SRRM4: variants seen among roughly 807,000 people sequenced by gnomAD.
The protein encoded by SRRM4 is serine/arginine repetitive matrix protein 4.
SRRM4 carries 33 observed loss-of-function variants against 68.9 expected under a neutral mutation model. The ratio of observed to expected loss-of-function variants is 0.48; its 90% CI spans 0.36 to 0.64. SRRM4 has a LOEUF of 0.64. Among genes scored for constraint, SRRM4 ranks in the 30% least tolerant of loss-of-function variants. SRRM4 has a pLI of 0.00. For synonymous variants in SRRM4, 318 were observed against 318.8 expected, an observed-to-expected ratio of 1.00 and a Z score of 0.03; for missense variants, 817 against 827.1, an observed-to-expected ratio of 0.99 and a Z score of 0.15.
chr12:119,036,212 C>G (rs1427961080), intron 1 of SRRM4, among the ~76,000 whole-genome samples: 1 of 152,162 alleles, frequency 6.6e-6, no homozygotes, highest in Non-Finnish European at 1.5e-5. Flanking sequence ...ACTTCAAGTA[C>G]TCTATGAACC....
At chr12:118,995,638 T>C (rs959341912) in intron 1 of SRRM4, among the ~76,000 whole-genome samples, 1 of 152,212 alleles carries the variant, frequency 6.6e-6, no homozygotes, top group African/African-American at 2.4e-5. Flanking sequence ...ACAAGGAGAA[T>C]AAGTCTTTCT....
chr12:119,103,934 A>G (rs1191144425), intron 2 of SRRM4, among the ~76,000 whole-genome samples: 1 of 152,124 alleles, frequency 6.6e-6, no homozygotes. Flanking sequence ...ACCCAGGAGG[A>G]GGAGGTTGCA....
At chr12:119,061,239 A>G (rs575891579) in intron 1 of SRRM4, among the ~76,000 whole-genome samples, 3 of 152,188 alleles carry the variant, frequency 2.0e-5, no homozygotes, top group Non-Finnish European at 2.9e-5. Flanking sequence ...TGTTTCCCGC[A>G]TGTTAATTAT....
chr12:119,005,480 C>G (rs1246887717), intron 1 of SRRM4, among the ~76,000 whole-genome samples: 1 of 152,106 alleles, frequency 6.6e-6, no homozygotes, highest in African/African-American at 2.4e-5. Context: ...TTTTCTTAAT[C>G]GCTCCCTAGG....
At chr12:119,099,692 C>G (rs1419570395) in intron 1 of SRRM4, among the ~76,000 whole-genome samples, 1 of 152,230 alleles carries the variant, frequency 6.6e-6, no homozygotes, top group African/African-American at 2.4e-5. Flanking sequence ...GCAGTCTCAT[C>G]ATAAGGCTTG....
At chr12:119,136,087 T>A (rs1178423673) in intron 8 of SRRM4, among the ~76,000 whole-genome samples, 2 of 152,178 alleles carry the variant, frequency 1.3e-5, no homozygotes, top group African/African-American at 4.8e-5. Flanking sequence ...GCCATAATAT[T>A]TTTTGTCATC....
intron 1 of SRRM4, among the ~76,000 whole-genome samples, chr12:119,019,544 C>G (rs1015190901): frequency 2.0e-5 from 3 of 152,186 alleles, no homozygotes; most frequent in Non-Finnish European, 4.4e-5. Context: ...AACAGCAGTT[C>G]CTTCTTGCCT....
Position 119,112,695 on chromosome 12 carries a change from T to C in SRRM4, c.279-1583T>C, listed in dbSNP as rs150809694. Reference sequence around the variant, plus strand: ...GAAGCTATTATCCTCTGCAAACCAATGCAAGAACAGAAAACCAAATACTGC... The same window carrying C: ...GAAGCTATTATCCTCTGCAAACCAACGCAAGAACAGAAAACCAAATACTGC... On this transcript the variant is annotated intron_variant, in intron 2 of 12. Transcript: ENST00000267260. Among the ~76,000 whole-genome samples, 332 of 152,254 alleles carry C rather than the reference T, an allele frequency of 2.2e-3. 1 individual carries two copies. Among genetic ancestry groups the C allele is most frequent in the African/African-American group, 7.7e-3 (321 of 41,546 alleles).
intron 1 of SRRM4, among the ~76,000 whole-genome samples, chr12:119,067,037 T>C (rs1356061450): frequency 1.3e-5 from 2 of 152,238 alleles, no homozygotes; most frequent in East Asian, 1.9e-4. Context: ...GACCTATGCA[T>C]GGCCTCCAGG....
intron 1 of SRRM4, among the ~76,000 whole-genome samples, chr12:119,061,237 G>T (rs530150013): frequency 6.6e-6 from 1 of 152,140 alleles, no homozygotes; most frequent in Non-Finnish European, 1.5e-5. Context: ...AATGTTTCCC[G>T]CATGTTAATT....
intron 9 of SRRM4, among the ~76,000 whole-genome samples, chr12:119,148,899 G>T (rs1463973039): frequency 6.6e-6 from 1 of 152,194 alleles, no homozygotes; most frequent in Non-Finnish European, 1.5e-5. Flanking sequence ...AGAGACATCA[G>T]CTCTAAATCA....
intron 8 of SRRM4, among the ~76,000 whole-genome samples, chr12:119,135,261 A>G (rs918985415): frequency 6.6e-6 from 1 of 152,150 alleles, no homozygotes; most frequent in Non-Finnish European, 1.5e-5. Flanking sequence ...GGGGCTCTCT[A>G]TCAAGTCTAT....
chr12:118,991,320 C>T (rs553551230), intron 1 of SRRM4, among the ~76,000 whole-genome samples: 21 of 152,232 alleles, frequency 1.4e-4, no homozygotes, highest in Non-Finnish European at 2.8e-4. Flanking sequence ...CTTCCTCTCC[C>T]CTGGTGCCTG....
rs548671453 is a variant in SRRM4, at chr12:119,153,995, CTA to C, written c.1392-246_1392-245del. On this transcript the variant is annotated intron_variant, in intron 11 of 12. Coordinates refer to ENST00000267260, the MANE Select transcript of SRRM4 (RefSeq NM_194286.4). ...CCTCACCCCTGCAGCACCTGCCCTG[CTA>C]TGATGCCCACCTGCAAATGCTGACA... 1.3e-3 allele frequency among the ~76,000 whole-genome samples: 204 copies of C among 152,104 alleles called. 1 individual carries two copies. The highest frequency in any genetic ancestry group is 2.1e-3 in the Non-Finnish European group (146 of 67,980).
intron 1 of SRRM4, among the ~76,000 whole-genome samples, chr12:119,049,592 T>C (rs1347704417): frequency 6.6e-6 from 1 of 152,178 alleles, no homozygotes; most frequent in Non-Finnish European, 1.5e-5. Context: ...TTTAATGAGA[T>C]AATGCATGTG....
chr12:119,012,522 A>T (rs1406801901), intron 1 of SRRM4, among the ~76,000 whole-genome samples: 1 of 152,172 alleles, frequency 6.6e-6, no homozygotes, highest in East Asian at 1.9e-4. Flanking sequence ...TAACAATTAT[A>T]AGAACACAGT....
At chr12:119,074,180 C>G (rs1953894996) in intron 1 of SRRM4, among the ~76,000 whole-genome samples, 1 of 133,646 alleles carries the variant, frequency 7.5e-6, no homozygotes, top group South Asian at 2.5e-4. Flanking sequence ...GAATGCTTGC[C>G]AATGGACTTA....
chr12:119,105,865 C>T (rs1448916499), intron 2 of SRRM4, among the ~76,000 whole-genome samples: 4 of 152,266 alleles, frequency 2.6e-5, no homozygotes, highest in African/African-American at 9.6e-5. Context: ...GTTGCCATTG[C>T]TTTTGGTGTT....
chr12:119,109,234 T>G (rs1201694644), intron 2 of SRRM4, among the ~76,000 whole-genome samples: 2 of 152,186 alleles, frequency 1.3e-5, no homozygotes, highest in Non-Finnish European at 2.9e-5. Context: ...ACCCGACCTT[T>G]CTCTCTGGCT....
Sources: gnomAD v4.1 joint callset for allele counts (sites outside exome capture counted in the v4.1 genomes callset) on GRCh38, gnomAD v4.1.1 for gene constraint, MANE v1.5 for transcripts, NCBI Gene and HGNC (gene_info 2026-07-23, HGNC 2026-07-21) for gene names.